Variants in MDFIC2 observed in about 807,000 individuals in gnomAD.
The protein encoded by MDFIC2 is MyoD family inhibitor domain containing 2, also known as myoD family inhibitor domain-containing protein 2.
intron 3 of MDFIC2, among the ~76,000 whole-genome samples, chr3:70,203,599 A>T (rs917079120): frequency 2.0e-5 from 3 of 152,182 alleles, no homozygotes; most frequent in Non-Finnish European, 4.4e-5. Context: ...TAATTATAAA[A>T]TTGAAACATT....
intron 2 of MDFIC2, among the ~76,000 whole-genome samples, chr3:70,224,687 A>C (rs1701487926): frequency 6.6e-6 from 1 of 152,140 alleles, no homozygotes; most frequent in South Asian, 2.1e-4. Flanking sequence ...AGACCCGTGG[A>C]GTTAAATATC....
intron 2 of MDFIC2, among the ~76,000 whole-genome samples, chr3:70,221,219 T>TTATTA (rs1701458001): frequency 6.6e-6 from 1 of 152,158 alleles, no homozygotes; most frequent in Admixed American, 6.6e-5. Context: ...CATTTATTCA[T>TTATTA]TAGTGCCTGC....
At chr3:70,287,969 C>T (rs1702185688) in intron 2 of MDFIC2, among the ~76,000 whole-genome samples, 1 of 152,076 alleles carries the variant, frequency 6.6e-6, no homozygotes, top group South Asian at 2.1e-4. Context: ...ATTAGTCTTG[C>T]TAGCAGTCTA....
intron 2 of MDFIC2, among the ~76,000 whole-genome samples, chr3:70,265,081 C>T (rs1184197440): frequency 6.6e-6 from 1 of 152,162 alleles, no homozygotes; most frequent in Non-Finnish European, 1.5e-5. Flanking sequence ...CAGGAAAGAC[C>T]TGCCCCCATG....
intron 2 of MDFIC2, among the ~76,000 whole-genome samples, chr3:70,253,054 T>G (rs1189215777): frequency 6.6e-6 from 1 of 151,824 alleles, no homozygotes; most frequent in Non-Finnish European, 1.5e-5. Context: ...TACTCCAGCC[T>G]GGGGGACAAG....
intron 2 of MDFIC2, among the ~76,000 whole-genome samples, chr3:70,252,336 C>G (rs892061522): frequency 6.6e-6 from 1 of 152,128 alleles, no homozygotes; most frequent in Non-Finnish European, 1.5e-5. Flanking sequence ...CTCCCATAAG[C>G]CTTTCATAGG....
At chr3:70,218,468 A>G (rs767726291) in intron 2 of MDFIC2, among the ~76,000 whole-genome samples, 24 of 152,128 alleles carry the variant, frequency 1.6e-4, no homozygotes, top group Non-Finnish European at 2.8e-4. Flanking sequence ...AGTACTCTAC[A>G]TCCCTCTTTT....
chr3:70,261,216 A>G (rs1701863224), intron 2 of MDFIC2, among the ~76,000 whole-genome samples: 1 of 152,220 alleles, frequency 6.6e-6, no homozygotes, highest in African/African-American at 2.4e-5. Context: ...CAAAGCTTTG[A>G]ATCATTCACA....
At chr3:70,272,971 A>G (rs994240614) in intron 2 of MDFIC2, among the ~76,000 whole-genome samples, 2 of 152,206 alleles carry the variant, frequency 1.3e-5, no homozygotes, top group African/African-American at 4.8e-5. Context: ...TGTAATTGGC[A>G]TCTTTTCGGC....
chr3:70,213,272 T>C (rs1471696551), intron 2 of MDFIC2, among the ~76,000 whole-genome samples: 2 of 152,140 alleles, frequency 1.3e-5, no homozygotes, highest in Non-Finnish European at 2.9e-5. Context: ...ACAAATTCTA[T>C]TGCCAAGTTG....
rs1045210772 is a variant in MDFIC2 at position 70,234,656 on chromosome 3, G to T, written c.89-27866C>A. Reference sequence around the variant, plus strand: ...CCCTGGCTCAAAAAAAAAAAAAAAAGTTTCTGGTGCTTAATAGAGCTATGG... The same window carrying T: ...CCCTGGCTCAAAAAAAAAAAAAAAATTTTCTGGTGCTTAATAGAGCTATGG... On this transcript the variant is annotated intron_variant, in intron 2 of 3. Coordinates refer to ENST00000567252, the MANE Select transcript of MDFIC2 (RefSeq NM_001364677.1). 5.4e-4 allele frequency among the ~76,000 whole-genome samples: 80 copies of T among 148,804 alleles called. 1 individual carries two copies. Among genetic ancestry groups the T allele is most frequent in the South Asian group, 1.5e-3 (7 of 4,734 alleles).
chr3:70,291,616 A>G (rs1178298433), intron 2 of MDFIC2, among the ~76,000 whole-genome samples: 1 of 152,170 alleles, frequency 6.6e-6, no homozygotes, highest in East Asian at 1.9e-4. Context: ...TCCACAAATG[A>G]CAAACCCCTG....
intron 2 of MDFIC2, among the ~76,000 whole-genome samples, chr3:70,296,764 C>G (rs1023824414): frequency 1.5e-4 from 23 of 152,026 alleles, no homozygotes; most frequent in African/African-American, 4.6e-4. Flanking sequence ...TACTATAAGC[C>G]CGACTATCAG....
chr3:70,287,733 A>G (rs1178252825), intron 2 of MDFIC2, among the ~76,000 whole-genome samples: 3 of 151,804 alleles, frequency 2.0e-5, no homozygotes, highest in Non-Finnish European at 4.4e-5. Context: ...CCACAATTTC[A>G]GATCCTGTTA....
At chr3:70,245,800 G>A (rs1701702552) in intron 2 of MDFIC2, among the ~76,000 whole-genome samples, 1 of 147,876 alleles carries the variant, frequency 6.8e-6, no homozygotes, top group African/African-American at 2.5e-5. Flanking sequence ...AATTTAAAAT[G>A]TGCTCTTCCT....
At chr3:70,216,193 A>G (rs2106733148) in intron 2 of MDFIC2, among the ~76,000 whole-genome samples, 1 of 150,884 alleles carries the variant, frequency 6.6e-6, no homozygotes, top group Admixed American at 6.6e-5. Context: ...ATATTAGGAT[A>G]TATATTCTAA....
chr3:70,307,087 A>G (rs1702408939), intron 2 of MDFIC2, among the ~76,000 whole-genome samples: 1 of 152,252 alleles, frequency 6.6e-6, no homozygotes, highest in East Asian at 1.9e-4. Flanking sequence ...ATTAGGTTTC[A>G]TTTAGAGATA....
intron 2 of MDFIC2, among the ~76,000 whole-genome samples, chr3:70,244,099 C>T (rs541166998): frequency 9.2e-5 from 14 of 152,312 alleles, no homozygotes; most frequent in East Asian, 3.9e-4. Flanking sequence ...CCCTGCTCTT[C>T]GGTTTCCCCC....
intron 2 of MDFIC2, among the ~76,000 whole-genome samples, chr3:70,301,060 T>TA (rs1702343884): frequency 6.6e-6 from 1 of 152,098 alleles, no homozygotes; most frequent in Non-Finnish European, 1.5e-5. Flanking sequence ...TTTCCTCATT[T>TA]AAAAAAGACG....
Sources: allele counts gnomAD v4.1 joint callset (sites outside exome capture counted in the v4.1 genomes callset), GRCh38; gene constraint gnomAD v4.1.1; transcripts MANE v1.5; gene names NCBI Gene and HGNC (gene_info 2026-07-23, HGNC 2026-07-21).